AP4E1: variants seen among roughly 807,000 people sequenced by gnomAD.
AP4E1 encodes the protein adaptor related protein complex 4 subunit epsilon 1.
AP4E1 carries 56 observed loss-of-function variants against 128.2 expected under a neutral mutation model. That is an observed-to-expected ratio of 0.44 (90% confidence interval 0.35 to 0.55). The LOEUF (loss-of-function observed/expected upper bound fraction) is 0.55. Ranked by LOEUF, AP4E1 falls within the 20% of genes least tolerant of loss-of-function variation. AP4E1 has a pLI of 0.00. For missense variants in AP4E1, 1,324 were observed against 1,307.7 expected (o/e 1.01, Z -0.19); for synonymous variants, 484 against 473.1 (o/e 1.02, Z -0.30).
chr15:50,997,422 T>C lies in AP4E1; in HGVS notation c.2443T>C (p.Cys815Arg), dbSNP rs1458099734. Residue 815 changes from cysteine to arginine, a missense_variant, in exon 18 of 21, where the codon TGT (cysteine) becomes CGT (arginine). Cys to Arg is a radical substitution (Grantham distance 180). Coordinates refer to ENST00000261842, the MANE Select transcript of AP4E1 (RefSeq NM_007347.5). ...GETTSTHNMT[C>R]SSFSSLSNVA... is the part of the protein sequence containing the mutation. ...AACAACCAGTACTCATAATATGACCTGTTCTTCCTTTAGTTCTTTGTCAAA... is the reference window on the plus strand; with the variant it reads ...AACAACCAGTACTCATAATATGACCCGTTCTTCCTTTAGTTCTTTGTCAAA... 2 of 1,613,414 alleles carry C rather than the reference T, an allele frequency of 1.2e-6. No individual in the cohort carries two copies. The highest frequency in any genetic ancestry group is 1.7e-6 in the Non-Finnish European group (2 of 1,179,684).
Position 50,930,791 on chromosome 15 carries a change from G to T in AP4E1, c.703-14G>T. 1 of 1,610,396 alleles carries T rather than the reference G, an allele frequency of 6.2e-7. No individual in the cohort carries two copies. Among genetic ancestry groups the T allele is most frequent in the East Asian group, 2.2e-5 (1 of 44,840 alleles). The stretch of plus-strand genomic sequence containing the variant: ...AGACGTTATTAACAAAGTTTTTTTT[G>T]CGGGGGGATGTAGGAGAATTCATCT... On this transcript the variant is annotated splice_polypyrimidine_tract_variant and intron_variant, in intron 6 of 20. Transcript: ENST00000261842.
intron 16 of AP4E1, among the ~76,000 whole-genome samples, chr15:50,992,483 G>A (rs6493470): frequency 0.2 from 29,713 of 152,086 alleles, 2,911 homozygotes; most frequent in South Asian, 0.23. Flanking sequence ...GAGAATAATA[G>A]AGATGATCCT....
At chr15:50,943,725 A>G (rs1477837440) in intron 10 of AP4E1, among the ~76,000 whole-genome samples, 1 of 152,178 alleles carries the variant, frequency 6.6e-6, no homozygotes, top group Non-Finnish European at 1.5e-5. Flanking sequence ...AACCATAGAT[A>G]GTATTGAACC....
At chr15:50,999,638 T>C (rs1183490102) in intron 19 of AP4E1, among the ~76,000 whole-genome samples, 1 of 152,200 alleles carries the variant, frequency 6.6e-6, no homozygotes, top group Non-Finnish European at 1.5e-5. Flanking sequence ...TATTCAATTA[T>C]TTCATAAAAT....
chr15:50,990,252 A>G (rs1422720348), intron 16 of AP4E1, among the ~76,000 whole-genome samples: 1 of 151,542 alleles, frequency 6.6e-6, no homozygotes, highest in Non-Finnish European at 1.5e-5. Flanking sequence ...TTATTTTTCT[A>G]ATGTTTCATA....
At chr15:50,990,942 G>A (rs2064797930) in intron 16 of AP4E1, among the ~76,000 whole-genome samples, 1 of 152,070 alleles carries the variant, frequency 6.6e-6, no homozygotes, top group Non-Finnish European at 1.5e-5. Flanking sequence ...TAGAAGGAAG[G>A]AAAAAGAAGC....
At chr15:50,949,706 G>A (rs1432313962) in intron 11 of AP4E1, 120 bp from the exon 12 acceptor site, 1 of 761,500 alleles carries the variant, frequency 1.3e-6, no homozygotes, top group African/African-American at 1.7e-5. Context: ...TTATGGCAGA[G>A]GTTAAAGGTA....
At chr15:50,949,775 A>G (rs1567230484) in intron 11 of AP4E1, 51 bp from the exon 12 acceptor site, 1 of 1,383,040 alleles carries the variant, frequency 7.2e-7, no homozygotes, top group African/African-American at 1.4e-5. Context: ...CAGAAGGGTA[A>G]TTTTAATAAG....
In AP4E1 at chr15:50,958,639, C is replaced by T. The variant is rs751538986; in HGVS notation, c.1696C>T (p.His566Tyr). ...AAVTKLTSQA[H>Y]SSNTVERLIH... ...TGTGACCAAATTGACATCTCAGGCG[C>T]ACTCTTCTAATACAGTTGAGAGATT... is the stretch of plus-strand genomic sequence containing the variant. The change falls in exon 14 of 21, where the codon CAC becomes TAC. Residue 566 changes from histidine to tyrosine, a missense_variant. By Grantham distance (83) the His-to-Tyr change is moderately conservative. Transcript: ENST00000261842. 2 of 1,614,142 alleles carry T rather than the reference C, an allele frequency of 1.2e-6. No homozygotes were observed. Among genetic ancestry groups the T allele is most frequent in the Non-Finnish European group, 1.7e-6 (2 of 1,180,004 alleles).
intron 17 of AP4E1, among the ~76,000 whole-genome samples, chr15:50,994,954 C>G (rs1267761029): frequency 6.6e-6 from 1 of 152,116 alleles, no homozygotes; most frequent in East Asian, 1.9e-4. Context: ...CTCATTCCCA[C>G]CCAGCTATCA....
At position 50,915,553 on chromosome 15, in the gene AP4E1, C is replaced by G. The variant is rs369490902; in HGVS notation, c.328C>G (p.Leu110Val). ...HAIKLAQQGN[L>V]LEKRVGYLAV... is the part of the protein sequence containing the mutation. ...AATCAAGTTAGCCCAACAAGGAAAC[C>G]TCTTAGAAAAAAGAGTAGGTATGTA... The change falls in exon 3 of 21, where the codon CTC becomes GTC. Residue 110 changes from leucine to valine, a missense_variant. Physicochemically the swap from Leu to Val is conservative, Grantham distance 32 (BLOSUM62 1). Transcript: ENST00000261842. 1.2e-6 allele frequency: 2 copies of G among 1,613,442 alleles called. No individual in the cohort carries two copies. The highest frequency in any genetic ancestry group is 1.7e-6 in the Non-Finnish European group (2 of 1,179,694).
intron 5 of AP4E1, among the ~76,000 whole-genome samples, chr15:50,927,222 G>A (rs2063779723): frequency 6.6e-6 from 1 of 151,904 alleles, no homozygotes; most frequent in South Asian, 2.1e-4. Flanking sequence ...TTATTGCTTT[G>A]TGTTTAGTCT....
chr15:50,955,476 T>G (rs567620893), intron 13 of AP4E1, among the ~76,000 whole-genome samples: 33 of 152,310 alleles, frequency 2.2e-4, no homozygotes, highest in African/African-American at 7.7e-4. Flanking sequence ...TTCTATAAAG[T>G]CTGTTGTGAT....
chr15:50,919,261 G>A (rs900128552), intron 3 of AP4E1, among the ~76,000 whole-genome samples: 4 of 151,238 alleles, frequency 2.6e-5, no homozygotes, highest in African/African-American at 7.3e-5. Flanking sequence ...GGCCAGGCAC[G>A]GTGGCTCACA....
At position 50,958,593 on chromosome 15, in the gene AP4E1, A is replaced by G; in HGVS notation, c.1650A>G (p.Thr550=). 1 of 1,614,178 alleles carries G rather than the reference A, an allele frequency of 6.2e-7. No homozygotes were observed. Among genetic ancestry groups the G allele is most frequent in the Non-Finnish European group, 8.5e-7 (1 of 1,180,028 alleles). ...LLMNDSVSSE[T]KAWLIAAVTK... ...TGAATGACTCTGTGTCTTCAGAAAC[A>G]AAAGCCTGGTTAATTGCTGCTGTGA... The change falls in exon 14 of 21, where the codon ACA becomes ACG. Residue 550 remains threonine (T), a synonymous_variant. Transcript: ENST00000261842.
At chr15:50,924,630 A>T (rs1212440968) in intron 4 of AP4E1, among the ~76,000 whole-genome samples, 1 of 152,136 alleles carries the variant, frequency 6.6e-6, no homozygotes, top group Non-Finnish European at 1.5e-5. Flanking sequence ...TTTCTTCCAA[A>T]CTTAAAAAAT....
chr15:50,916,740 A>G (rs947928897), intron 3 of AP4E1, among the ~76,000 whole-genome samples: 7 of 152,168 alleles, frequency 4.6e-5, no homozygotes, highest in African/African-American at 1.7e-4. Flanking sequence ...CTCCAAGTAG[A>G]ATGTCCTTTA....
chr15:50,985,393 G>A (rs796945685), intron 16 of AP4E1, among the ~76,000 whole-genome samples: 7 of 152,154 alleles, frequency 4.6e-5, no homozygotes, highest in East Asian at 3.8e-4. Context: ...CCATGCCTAC[G>A]TCCTGAATGG....
chr15:50,958,801 C>A lies in AP4E1; in HGVS notation c.1851+7C>A. ...GAGTTGTGAAGACTTGGTGGTAAGA[C>A]ATTGGTGTTCCATCTTTTTAAAAAT... On this transcript the variant is annotated splice_region_variant and intron_variant, in intron 14 of 20. Transcript: ENST00000261842. 2 of 1,613,814 alleles carry A rather than the reference C, an allele frequency of 1.2e-6. No homozygotes were observed. The highest frequency in any genetic ancestry group is 1.7e-4 in the Middle Eastern group (1 of 6,052).
Sources: allele counts gnomAD v4.1 joint callset (sites outside exome capture counted in the v4.1 genomes callset), GRCh38; gene constraint gnomAD v4.1.1; transcripts MANE v1.5; gene names NCBI Gene and HGNC (gene_info 2026-07-23, HGNC 2026-07-21).